The following SCN4A variants were observed in gnomAD, a reference collection of about 807,000 sequenced individuals.
SCN4A encodes sodium channel protein type 4 subunit alpha.
In SCN4A, 83 loss-of-function variants were observed where a neutral mutation model predicts 162.0. That is an observed-to-expected ratio of 0.51 (90% CI 0.43 to 0.61). SCN4A has a LOEUF of 0.61. Ranked by LOEUF, SCN4A falls within the 20% of genes least tolerant of loss-of-function variation. The pLI, the probability that SCN4A is intolerant of heterozygous loss-of-function variation, is 0.00. For synonymous variants in SCN4A, 944 were observed against 985.1 expected (o/e 0.96, Z 0.78); for missense variants, 2,196 against 2,462.5 (o/e 0.89, Z 2.29).
In SCN4A at chr17:63,945,305, G is replaced by C. The variant is rs904597181; in HGVS notation, c.3720+55C>G. ...TGGGGTTGGGTACAACGAGAGGACC[G>C]GGGTGGGGGGCACCTCCATCCAGGT... On this transcript the variant is annotated intron_variant, in intron 19 of 23. Transcript: ENST00000435607. This position sits in a 1 kb window ranked among gnomAD's most constrained non-coding sequence, Gnocchi z 4.4. 1 of 1,484,978 alleles carries C rather than the reference G, an allele frequency of 6.7e-7. No homozygotes were observed. The highest frequency in any genetic ancestry group is 9.3e-7 in the Non-Finnish European group (1 of 1,075,178). 92.0% of individuals were successfully genotyped at this position (1,484,978 alleles called of 1,614,324 possible). A position where few individuals can be genotyped will look rare whatever the true frequency, so the allele number is the denominator to read the frequency against.
In SCN4A at chr17:63,943,754, G is replaced by T; in HGVS notation, c.4009C>A (p.Arg1337=). Residue 1337 remains arginine, a synonymous_variant, in exon 22 of 24, where the codon CGG becomes AGG. Transcript: ENST00000435607. ...GGCCCAGAGGTCTGTACCTGGGGCC[G>T]GGGAATTGGCTTCTGAGGCTTCTTG... is the stretch of plus-strand genomic sequence containing the variant. ...GSKKPQKPIP[R]PQNKIQGMVY... is the part of the protein sequence containing the mutation. 6.2e-7 allele frequency: 1 copy of T among 1,605,412 alleles called. No homozygotes were observed. The highest frequency in any genetic ancestry group is 8.5e-7 in the Non-Finnish European group (1 of 1,172,300).
Position 63,959,328 on chromosome 17 carries a change from G to A in SCN4A, c.1956C>T (p.Leu652=). 1.2e-6 allele frequency: 2 copies of A among 1,614,030 alleles called. No homozygotes were observed. Among genetic ancestry groups the A allele is most frequent in the South Asian group, 1.1e-5 (1 of 91,086 alleles). Residue 652 remains leucine (L), a synonymous_variant, in exon 12 of 24, where the codon CTC becomes CTT. Coordinates refer to ENST00000435607, the MANE Select transcript of SCN4A (RefSeq NM_000334.4). The stretch of plus-strand genomic sequence containing the variant: ...TGGCCAGGCCTAGCTCTACCAGGCT[G>A]AGGGTGACGATGATGCTGTCGAAGA... ...WNIFDSIIVT[L]SLVELGLANV...
intron 9 of SCN4A, 64 bp downstream of exon 9, chr17:63,964,404 T>C (rs1909367087): frequency 6.8e-7 from 1 of 1,465,230 alleles, no homozygotes; most frequent in Non-Finnish European, 9.5e-7. Context: ...GAGAAGCCAG[T>C]GGCAGCCCCG....
At chr17:63,946,462 G>GC (rs374261223) in intron 18 of SCN4A, among the ~76,000 whole-genome samples, 17,627 of 106,154 alleles carry the variant, frequency 0.17, 1,958 homozygotes, top group Non-Finnish European at 0.2. Context: ...CATTTTTCTT[G>GC]CCCCCCCCCC....
At chr17:63,962,343 T>C (rs1288009377) in intron 10 of SCN4A, among the ~76,000 whole-genome samples, 6 of 152,156 alleles carry the variant, frequency 3.9e-5, no homozygotes, top group Non-Finnish European at 8.8e-5. Context: ...GTCCATCCTT[T>C]CCCACCACAG....
intron 13 of SCN4A, among the ~76,000 whole-genome samples, chr17:63,955,165 C>T (rs1909032513): frequency 6.6e-6 from 1 of 152,198 alleles, no homozygotes; most frequent in South Asian, 2.1e-4. Flanking sequence ...GTTCCAGCAC[C>T]AGCTCTGTTT....
chr17:63,961,538 C>G (rs1909256834), intron 10 of SCN4A, 107 bp from the exon 11 acceptor site: 1 of 791,256 alleles, frequency 1.3e-6, no homozygotes, highest in Non-Finnish European at 2.2e-6. Context: ...CCTTAGCACT[C>G]CACATCTCAA....
intron 7 of SCN4A, 97 bp from the exon 8 acceptor site, chr17:63,966,340 G>T: frequency 6.9e-7 from 1 of 1,441,736 alleles, no homozygotes; most frequent in Non-Finnish European, 9.6e-7. Flanking sequence ...AGTTCTGCCT[G>T]TGTCCCCCAA....
intron 13 of SCN4A, among the ~76,000 whole-genome samples, chr17:63,953,128 G>A (rs1319202554): frequency 2.0e-5 from 3 of 152,098 alleles, no homozygotes; most frequent in Non-Finnish European, 2.9e-5. Flanking sequence ...TGGGAGGCTG[G>A]GGCAGGCGGA....
In SCN4A at chr17:63,951,832, C is replaced by G; in HGVS notation, c.2445G>C (p.Glu815Asp). The G allele has an allele frequency of 6.3e-7, 1 of 1,575,062 alleles. No homozygotes were observed. Among genetic ancestry groups the G allele is most frequent in the Non-Finnish European group, 8.6e-7 (1 of 1,162,186 alleles). The change falls in exon 14 of 24, where the codon GAG becomes GAC. Residue 815 changes from glutamate (E) to aspartate (D), a missense_variant. Coordinates refer to ENST00000435607, the MANE Select transcript of SCN4A (RefSeq NM_000334.4). This position sits in a 1 kb window ranked among gnomAD's most constrained non-coding sequence, Gnocchi z 4.5. ...FSADSLAASD[E>D]DGEMNNLQIA... Reference sequence around the variant, plus strand: ...TCTGCAGGTTGTTCATCTCGCCATCCTCATCCGAGGCTGCCAGACTGTCGG... The same window carrying G: ...TCTGCAGGTTGTTCATCTCGCCATCGTCATCCGAGGCTGCCAGACTGTCGG...
At chr17:63,952,198 CTTTT>C (rs566410650) in intron 13 of SCN4A, among the ~76,000 whole-genome samples, 6 of 144,688 alleles carry the variant, frequency 4.1e-5, no homozygotes, top group Non-Finnish European at 7.6e-5. Flanking sequence ...CCTTTTTTTT[CTTTT>C]TTTTTTTTCG....
intron 13 of SCN4A, among the ~76,000 whole-genome samples, chr17:63,953,943 A>C (rs965325382): frequency 1.3e-5 from 2 of 152,140 alleles, no homozygotes; most frequent in Admixed American, 6.6e-5. Context: ...TAATGTGGTC[A>C]CCCTTCCTTC....
In SCN4A at chr17:63,941,806, G is replaced by A; in HGVS notation, c.4476C>T (p.Val1492=). 1 of 1,614,230 alleles carries A rather than the reference G, an allele frequency of 6.2e-7. No individual in the cohort carries two copies. The highest frequency in any genetic ancestry group is 8.5e-7 in the Non-Finnish European group (1 of 1,180,034). Residue 1492 remains valine, a synonymous_variant, in exon 24 of 24, where the codon GTC becomes GTT. Transcript: ENST00000435607. This position sits in a 1 kb window ranked among gnomAD's most constrained non-coding sequence, Gnocchi z 6.2. ...LFNIGLLLFL[V]MFIYSIFGMS... ...TGCCGAAGATGGAGTAGATGAACAT[G>A]ACCAGGAAGAGGAGGAGGCCGATGT... is the stretch of plus-strand genomic sequence containing the variant.
Position 63,944,300 on chromosome 17 carries a change from TG to T in SCN4A, c.3912+372del, listed in dbSNP as rs1908641586. Among the ~76,000 whole-genome samples the T allele has an allele frequency of 6.6e-6, 1 of 152,112 alleles. No homozygotes were observed. Among genetic ancestry groups the T allele is most frequent in the African/African-American group, 2.4e-5 (1 of 41,406 alleles). ...GATTACAGATGCCTGCCACCACGCC[TG>T]GCTAATTTCTTTTTTTAATTTTTTT... On this transcript the variant is annotated intron_variant, in intron 21 of 23. Transcript: ENST00000435607. The surrounding 1 kb of genome is among the most constrained non-coding windows in gnomAD (Gnocchi z 4.3).
chr17:63,942,210 A>G (rs1908562044), intron 23 of SCN4A, among the ~76,000 whole-genome samples: 1 of 151,194 alleles, frequency 6.6e-6, no homozygotes, highest in Non-Finnish European at 1.5e-5. Flanking sequence ...GATACCCTGA[A>G]GTGGGGGAGT....
Position 63,940,687 on chromosome 17 carries a change from C to T in SCN4A, c.*84G>A. 6.8e-7 allele frequency: 1 copy of T among 1,473,864 alleles called. No homozygotes were observed. Among genetic ancestry groups the T allele is most frequent in the Non-Finnish European group, 9.1e-7 (1 of 1,101,302 alleles). 91.3% of individuals were successfully genotyped at this position (1,473,864 alleles called of 1,614,324 possible). On this transcript the variant is annotated 3_prime_UTR_variant, in exon 24 of 24. Coordinates refer to ENST00000435607, the MANE Select transcript of SCN4A (RefSeq NM_000334.4). ...CAGGCACAGTCCCAGATTCAAAGCC[C>T]TCCTCCCTCACTCTGTGTGCAGGCA...
At position 63,941,920 on chromosome 17, in the gene SCN4A, C is replaced by A. The variant is rs371698958; in HGVS notation, c.4362G>T (p.Arg1454=). 1.2e-6 allele frequency: 2 copies of A among 1,610,208 alleles called. No homozygotes were observed. Among genetic ancestry groups the A allele is most frequent in the Non-Finnish European group, 1.7e-6 (2 of 1,176,920 alleles). Residue 1454 remains arginine, a synonymous_variant, in exon 24 of 24, where the codon CGG becomes CGT. Coordinates refer to ENST00000435607, the MANE Select transcript of SCN4A (RefSeq NM_000334.4). The surrounding 1 kb of genome is among the most constrained non-coding windows in gnomAD (Gnocchi z 6.2). ...PTLFRVIRLA[R]IGRVLRLIRG... Reference sequence around the variant, plus strand: ...GGATCAGCCGCAGGACACGCCCAATCCGCGCCAGGCGGATCACACGGAACA... The same window carrying A: ...GGATCAGCCGCAGGACACGCCCAATACGCGCCAGGCGGATCACACGGAACA...
intron 17 of SCN4A, 36 bp downstream of exon 17, chr17:63,947,854 T>C (rs374511294): frequency 6.2e-7 from 1 of 1,606,738 alleles, no homozygotes; most frequent in Non-Finnish European, 8.5e-7. Flanking sequence ...TGACAGCCTC[T>C]GGATGTAGCT....
chr17:63,942,648 C>T (rs115684786), intron 23 of SCN4A, among the ~76,000 whole-genome samples, 178 bp downstream of exon 23: 152 of 152,342 alleles, frequency 1.0e-3, no homozygotes, highest in African/African-American at 3.5e-3. Context: ...GCGCGGGTGA[C>T]GATCTGCCTG....
Sources: gnomAD v4.1 joint callset for allele counts (sites outside exome capture counted in the v4.1 genomes callset) on GRCh38, gnomAD v4.1.1 for gene constraint, Gnocchi (gnomAD v3.1) non-coding constraint, MANE v1.5 for transcripts, NCBI Gene and HGNC (gene_info 2026-07-23, HGNC 2026-07-21) for gene names.